The following VWA2 variants were observed in gnomAD, a reference collection of about 807,000 sequenced individuals.
VWA2 encodes the protein von Willebrand factor A domain containing 2, also known as von Willebrand factor A domain-containing protein 2.
VWA2 carries 73 observed loss-of-function variants against 70.4 expected under a neutral mutation model. The observed-to-expected ratio is 1.04, with a 90% CI of 0.86 to 1.26. The LOEUF (loss-of-function observed/expected upper bound fraction) is 1.26, where lower values mean the gene tolerates loss of function less well. Among genes scored for constraint, VWA2 ranks in the 50% most tolerant of loss-of-function variants. VWA2 has a pLI of 0.00. For synonymous variants in VWA2, 407 were observed against 423.3 expected, an observed-to-expected ratio of 0.96 and a Z score of 0.47; for missense variants, 1,011 against 998.5, an observed-to-expected ratio of 1.01 and a Z score of -0.17.
intron 1 of VWA2, among the ~76,000 whole-genome samples, chr10:114,243,784 C>T (rs77726504): frequency 0.019 from 2,949 of 152,188 alleles, 59 homozygotes; most frequent in Non-Finnish European, 0.026. Flanking sequence ...TCCTGTGTCA[C>T]GGAAAATGTA....
intron 4 of VWA2, among the ~76,000 whole-genome samples, chr10:114,260,311 C>T (rs2037417462): frequency 1.3e-5 from 2 of 152,174 alleles, no homozygotes; most frequent in South Asian, 2.1e-4. Context: ...CTCCTATGGC[C>T]TCCTCAGTTA....
rs1334554971 is a variant in VWA2 at position 114,292,236 on chromosome 10, C to T, written c.*999C>T. 9.9e-5 allele frequency among the ~76,000 whole-genome samples: 15 copies of T among 152,058 alleles called. No individual in the cohort carries two copies. The stretch of plus-strand genomic sequence containing the variant: ...AAGTTACAGTGAGCCGAGATCTCAC[C>T]ACTGCACTCCAGCCTGGGCAACAAG... On this transcript the variant is annotated 3_prime_UTR_variant, in exon 14 of 14. Transcript: ENST00000392982.
chr10:114,270,874 C>T (rs981672220), intron 5 of VWA2, among the ~76,000 whole-genome samples: 6 of 152,286 alleles, frequency 3.9e-5, no homozygotes, highest in Middle Eastern at 6.8e-3. Context: ...AAGCTCTGCT[C>T]GCTAGCTCCA....
At chr10:114,272,372 C>G (rs1157733927) in intron 5 of VWA2, among the ~76,000 whole-genome samples, 1 of 152,160 alleles carries the variant, frequency 6.6e-6, no homozygotes, top group Admixed American at 6.5e-5. Context: ...GCTTTCCCAA[C>G]CCAGGATGTT....
At chr10:114,246,975 C>T (rs929069389) in intron 1 of VWA2, among the ~76,000 whole-genome samples, 5 of 152,092 alleles carry the variant, frequency 3.3e-5, no homozygotes, top group Admixed American at 1.3e-4. Context: ...GGCAAGGTTC[C>T]GCTGCAGCTG....
At chr10:114,273,871 G>T (rs918525772) in intron 6 of VWA2, among the ~76,000 whole-genome samples, 2 of 152,160 alleles carry the variant, frequency 1.3e-5, no homozygotes, top group Admixed American at 1.3e-4. Flanking sequence ...ATAATTTCAG[G>T]TGGAAGTAAA....
At chr10:114,250,229 T>C (rs1159375199) in intron 2 of VWA2, among the ~76,000 whole-genome samples, 1 of 152,254 alleles carries the variant, frequency 6.6e-6, no homozygotes, top group Non-Finnish European at 1.5e-5. Context: ...CTGTACATTC[T>C]TTAACATTCT....
chr10:114,283,628 A>G (rs1179520545), intron 9 of VWA2, among the ~76,000 whole-genome samples: 1 of 152,198 alleles, frequency 6.6e-6, no homozygotes, highest in African/African-American at 2.4e-5. Context: ...TGTGACTTCT[A>G]TTCATTGAGC....
rs756902143 is a variant in VWA2 at position 114,277,959 on chromosome 10, C to T, written c.612C>T (p.His204=). ...TGGCCAGCGAGCCTAGAGGGCAGCA[C>T]GTGCTGTTGGCTGAGCAGGTGGAGG... ...HALASEPRGQ[H]VLLAEQVEDA... Residue 204 remains histidine, a synonymous_variant, in exon 7 of 14, where the codon CAC becomes CAT. Transcript: ENST00000392982. 14 of 1,612,554 alleles carry T rather than the reference C, an allele frequency of 8.7e-6. No individual in the cohort carries two copies. Among genetic ancestry groups the T allele is most frequent in the Admixed American group, 1.7e-5 (1 of 59,966 alleles).
In VWA2 at chr10:114,282,581, G is replaced by A. The variant is rs2038296212; in HGVS notation, c.889+10G>A. The A allele has an allele frequency of 1.2e-6, 2 of 1,613,538 alleles. No homozygotes were observed. The highest frequency in any genetic ancestry group is 2.7e-5 in the African/African-American group (2 of 74,904). On this transcript the variant is annotated intron_variant, in intron 9 of 13. Transcript: ENST00000392982. Reference sequence around the variant, plus strand: ...AGGACCACCTGCCCAGGTATGGTCTGTCTCTTGGATTTACAGGTTCTTTCA... The same window carrying A: ...AGGACCACCTGCCCAGGTATGGTCTATCTCTTGGATTTACAGGTTCTTTCA...
chr10:114,291,613 C>A lies in VWA2; in HGVS notation c.*376C>A. The A allele has an allele frequency of 4.6e-6, 1 of 216,104 alleles. No individual in the cohort carries two copies. The highest frequency in any genetic ancestry group is 9.3e-6 in the Non-Finnish European group (1 of 107,712). The allele number at this position is 216,104 out of a possible 1,614,324, so 13.4% of individuals were successfully genotyped here. On this transcript the variant is annotated 3_prime_UTR_variant, in exon 14 of 14. Coordinates refer to ENST00000392982, the MANE Select transcript of VWA2 (RefSeq NM_001272046.2). ...AATTTAGCGGCCTGACGTTCCTTTG[C>A]ACACAATCAATGCTCGCCAGAATGT...
At chr10:114,267,835 TGAA>T (rs2037607801) in intron 5 of VWA2, among the ~76,000 whole-genome samples, 1 of 152,138 alleles carries the variant, frequency 6.6e-6, no homozygotes, top group Non-Finnish European at 1.5e-5. Context: ...AGTGCTGGTT[TGAA>T]ATCTAGATTT....
At position 114,285,986 on chromosome 10, in the gene VWA2, G is replaced by A; in HGVS notation, c.1045G>A (p.Asp349Asn). ...CAGGGTCGACCTCCTCTTCCTGCTGGACAGCTCTGCGGGCACCACTCTGGA... is the reference window on the plus strand; with the variant it reads ...CAGGGTCGACCTCCTCTTCCTGCTGAACAGCTCTGCGGGCACCACTCTGGA... ...ECRVDLLFLL[D>N]SSAGTTLDGF... is the part of the protein sequence containing the mutation. Residue 349 changes from aspartate to asparagine, a missense_variant, in exon 11 of 14, where the codon GAC becomes AAC. Physicochemically the swap from Asp to Asn is conservative, Grantham distance 23. Coordinates refer to ENST00000392982, the MANE Select transcript of VWA2 (RefSeq NM_001272046.2). 1 of 1,612,690 alleles carries A rather than the reference G, an allele frequency of 6.2e-7. No individual in the cohort carries two copies. The highest frequency in any genetic ancestry group is 8.5e-7 in the Non-Finnish European group (1 of 1,179,032).
At chr10:114,285,676 G>A (rs962655087) in intron 10 of VWA2, among the ~76,000 whole-genome samples, 3 of 152,182 alleles carry the variant, frequency 2.0e-5, no homozygotes, top group South Asian at 2.1e-4. Flanking sequence ...GACACACACA[G>A]GACTAACCAT....
chr10:114,246,738 T>C, intron 1 of VWA2: 3 of 1,498,898 alleles, frequency 2.0e-6, no homozygotes, highest in Non-Finnish European at 2.8e-6. Context: ...GGGGGAGAAA[T>C]CCTTGAACCA....
intron 5 of VWA2, 76 bp from the exon 6 acceptor site, chr10:114,272,664 A>G (rs2037736286): frequency 7.4e-7 from 1 of 1,353,942 alleles, no homozygotes; most frequent in Non-Finnish European, 1.0e-6. Context: ...GAGCTCATCG[A>G]TTTCAGACTC....
chr10:114,279,542 C>G (rs1428854434), intron 8 of VWA2, among the ~76,000 whole-genome samples: 1 of 152,220 alleles, frequency 6.6e-6, no homozygotes, highest in Non-Finnish European at 1.5e-5. Context: ...GCTGAGAAGC[C>G]TTAGGGCTGT....
intron 4 of VWA2, among the ~76,000 whole-genome samples, chr10:114,255,854 C>T (rs2037315965): frequency 6.6e-6 from 1 of 151,956 alleles, no homozygotes; most frequent in African/African-American, 2.4e-5. Context: ...GGCCTTCAGG[C>T]ATATGAAAAG....
rs779735936 is a variant in VWA2, at chr10:114,278,710, T to C, written c.701-9T>C. On this transcript the variant is annotated splice_polypyrimidine_tract_variant and intron_variant, in intron 7 of 13. Coordinates refer to ENST00000392982, the MANE Select transcript of VWA2 (RefSeq NM_001272046.2). ...CCTCCGTGGGTGTGGGTGTGTGTTG[T>C]GGACACAGACTGCAGGGTCGAGGCT... 12 of 1,613,906 alleles carry C rather than the reference T, an allele frequency of 7.4e-6. No homozygotes were observed. The South Asian group carries it at 1.1e-4, about 15-fold the overall frequency.
Sources: allele counts gnomAD v4.1 joint callset (sites outside exome capture counted in the v4.1 genomes callset), GRCh38; gene constraint gnomAD v4.1.1; transcripts MANE v1.5; gene names NCBI Gene and HGNC (gene_info 2026-07-23, HGNC 2026-07-21).